Variants in GTF3C4 observed in about 807,000 individuals in gnomAD.
The protein encoded by GTF3C4 is general transcription factor IIIC subunit 4.
A neutral mutation model predicts 67.5 loss-of-function variants in GTF3C4; 28 were observed. That is an observed-to-expected ratio of 0.41 (90% CI 0.31 to 0.57). The LOEUF (loss-of-function observed/expected upper bound fraction) is 0.57, where lower values mean the gene tolerates loss of function less well. GTF3C4 is among the 20% of genes least tolerant of loss of function. GTF3C4 has a pLI of 0.21. For missense variants in GTF3C4, 831 were observed against 1,033.2 expected (o/e 0.80, Z 2.68); for synonymous variants, 409 against 393.0 (o/e 1.04, Z -0.48).
At chr9:132,686,898 C>T (rs999288649) in intron 3 of GTF3C4, among the ~76,000 whole-genome samples, 5 of 152,124 alleles carry the variant, frequency 3.3e-5, no homozygotes, top group East Asian at 1.9e-4. Context: ...AAAAACCTAA[C>T]GAATAATTCT....
At chr9:132,687,755 GTT>G (rs1300400000) in intron 4 of GTF3C4, among the ~76,000 whole-genome samples, 1 of 152,126 alleles carries the variant, frequency 6.6e-6, no homozygotes, top group Non-Finnish European at 1.5e-5. Context: ...GCCATGATGG[GTT>G]TTTTTCCTGG....
upstream of GTF3C4, chr9:132,670,342 A>G: frequency 7.0e-7 from 1 of 1,421,688 alleles, no homozygotes; most frequent in Non-Finnish European, 9.2e-7. Flanking sequence ...CAGGCTCTGG[A>G]GCTCAATCCC....
chr9:132,675,722 A>G (rs890159508), intron 1 of GTF3C4, among the ~76,000 whole-genome samples: 1 of 152,008 alleles, frequency 6.6e-6, no homozygotes, highest in Non-Finnish European at 1.5e-5. Context: ...CCATAGAACT[A>G]TTTTTCAAGG....
intron 1 of GTF3C4, among the ~76,000 whole-genome samples, chr9:132,671,969 T>C (rs1307946444): frequency 6.6e-6 from 1 of 152,142 alleles, no homozygotes; most frequent in African/African-American, 2.4e-5. Context: ...AAAATATGAG[T>C]CATTAGCTAT....
intron 1 of GTF3C4, among the ~76,000 whole-genome samples, chr9:132,672,784 A>G (rs904210383): frequency 6.6e-6 from 1 of 152,372 alleles, no homozygotes; most frequent in Non-Finnish European, 1.5e-5. Context: ...AGATAGGCCT[A>G]TCTATAAAAG....
At chr9:132,672,060 G>A (rs1483480856) in intron 1 of GTF3C4, among the ~76,000 whole-genome samples, 1 of 152,164 alleles carries the variant, frequency 6.6e-6, no homozygotes. Flanking sequence ...TAGATTGTTA[G>A]TCAGCTTGTA....
intron 2 of GTF3C4, among the ~76,000 whole-genome samples, chr9:132,681,969 A>T (rs1835952239): frequency 4.1e-5 from 2 of 49,334 alleles, no homozygotes; most frequent in South Asian, 8.5e-4. Flanking sequence ...CATAAAGTAA[A>T]AAAAAAAAAA....
At chr9:132,683,178 C>G (rs1835974668) in intron 2 of GTF3C4, among the ~76,000 whole-genome samples, 1 of 152,162 alleles carries the variant, frequency 6.6e-6, no homozygotes, top group Non-Finnish European at 1.5e-5. Flanking sequence ...TTCTTAAAGT[C>G]AAAACATTAT....
At chr9:132,681,950 C>CT (rs1471569066) in intron 2 of GTF3C4, among the ~76,000 whole-genome samples, 1 of 141,080 alleles carries the variant, frequency 7.1e-6, no homozygotes, top group Non-Finnish European at 1.5e-5. Flanking sequence ...TGGTGAGACC[C>CT]TGTCTCTACA....
chr9:132,676,322 AT>A (rs35467574), intron 1 of GTF3C4, among the ~76,000 whole-genome samples: 62,595 of 122,172 alleles, frequency 0.51, 13,873 homozygotes, highest in African/African-American at 0.64. Flanking sequence ...CATTTGGGGG[AT>A]TTTTTTTTTT....
In GTF3C4 at chr9:132,679,856, A is replaced by G; in HGVS notation, c.2184+53A>G. ...AATTGTAAAGCCTGCTTTCTTCATG[A>G]GAAAGAAATGACCTAAATTGAGTTC... On this transcript the variant is annotated intron_variant, in intron 2 of 4. Coordinates refer to ENST00000372146, the MANE Select transcript of GTF3C4 (RefSeq NM_012204.4). This position sits in a 1 kb window ranked among gnomAD's most constrained non-coding sequence, Gnocchi z 5.9. The G allele has an allele frequency of 6.7e-7, 1 of 1,481,522 alleles. No homozygotes were observed. The highest frequency in any genetic ancestry group is 9.1e-7 in the Non-Finnish European group (1 of 1,102,568). 91.8% of individuals were successfully genotyped at this position (1,481,522 alleles called of 1,614,324 possible). A position where few individuals can be genotyped will look rare whatever the true frequency, so the allele number is the denominator to read the frequency against.
intron 2 of GTF3C4, among the ~76,000 whole-genome samples, chr9:132,680,090 G>C (rs1396497413): frequency 1.3e-5 from 2 of 152,192 alleles, no homozygotes; most frequent in Admixed American, 6.5e-5. Context: ...GCATTTAGCT[G>C]AGTAGTATGT....
At chr9:132,672,539 C>T (rs1835800934) in intron 1 of GTF3C4, among the ~76,000 whole-genome samples, 1 of 152,198 alleles carries the variant, frequency 6.6e-6, no homozygotes, top group African/African-American at 2.4e-5. Flanking sequence ...CGGATCAGTA[C>T]ATGAGCTCAA....
chr9:132,679,840 G>T lies in GTF3C4; in HGVS notation c.2184+37G>T. On this transcript the variant is annotated intron_variant, in intron 2 of 4. Coordinates refer to ENST00000372146, the MANE Select transcript of GTF3C4 (RefSeq NM_012204.4). The surrounding 1 kb of genome is among the most constrained non-coding windows in gnomAD (Gnocchi z 5.9). ...TTAACAAAAACTCTGAAATTGTAAA[G>T]CCTGCTTTCTTCATGAGAAAGAAAT... 6.6e-7 allele frequency: 1 copy of T among 1,518,764 alleles called. No individual in the cohort carries two copies. Among genetic ancestry groups the T allele is most frequent in the Non-Finnish European group, 8.9e-7 (1 of 1,129,330 alleles). 94.1% of individuals were successfully genotyped at this position (1,518,764 alleles called of 1,614,324 possible). A position where few individuals can be genotyped will look rare whatever the true frequency, so the allele number is the denominator to read the frequency against.
rs764369501 is a variant in GTF3C4, at chr9:132,678,123, C to T, written c.504C>T (p.Ser168=). 6.2e-7 allele frequency: 1 copy of T among 1,614,234 alleles called. No homozygotes were observed. Among genetic ancestry groups the T allele is most frequent in the South Asian group, 1.1e-5 (1 of 91,090 alleles). Residue 168 remains serine, a synonymous_variant, in exon 2 of 5, where the codon AGC becomes AGT. Transcript: ENST00000372146. The surrounding 1 kb of genome is among the most constrained non-coding windows in gnomAD (Gnocchi z 6.5). ...CAATGAGAGGATTCAAGTACACCAG[C>T]TGGTCTCCCATGGGTTGCGATGCTA... ...LPPMRGFKYT[S]WSPMGCDANG...
chr9:132,686,477 T>G (rs932814770), intron 3 of GTF3C4, among the ~76,000 whole-genome samples: 2 of 152,136 alleles, frequency 1.3e-5, no homozygotes, highest in African/African-American at 4.8e-5. Context: ...TTGTGTTTTC[T>G]GCTCCTTAGT....
chr9:132,671,448 C>T (rs1302812758), intron 1 of GTF3C4, among the ~76,000 whole-genome samples: 2 of 152,212 alleles, frequency 1.3e-5, no homozygotes, highest in African/African-American at 2.4e-5. Context: ...CATCCATTGT[C>T]TTAATTGTTT....
At chr9:132,676,380 G>T (rs144334903) in intron 1 of GTF3C4, among the ~76,000 whole-genome samples, 1 of 148,274 alleles carries the variant, frequency 6.7e-6, no homozygotes, top group Non-Finnish European at 1.5e-5. Flanking sequence ...GTGCAGTGGC[G>T]CAATCTCGGC....
In GTF3C4 at chr9:132,678,535, A is replaced by G. The variant is rs376721373; in HGVS notation, c.916A>G (p.Ile306Val). 7.4e-6 allele frequency: 12 copies of G among 1,614,076 alleles called. No homozygotes were observed. Among genetic ancestry groups the G allele is most frequent in the Admixed American group, 3.3e-5 (2 of 60,008 alleles). Residue 306 changes from isoleucine to valine, a missense_variant, in exon 2 of 5, where the codon ATT becomes GTT. Ile to Val is a conservative substitution (Grantham distance 29, BLOSUM62 3). This residue lies in a region of GTF3C4 where 390 missense variants were observed against 540.3 expected (regional missense o/e 0.72). Transcript: ENST00000372146. This position sits in a 1 kb window ranked among gnomAD's most constrained non-coding sequence, Gnocchi z 6.5. Reference protein sequence around the residue: ...GKESISSCNTIESGITSPSVL... With the variant: ...GKESISSCNTVESGITSPSVL... ...AGAATCCATCTCTTCATGCAACACA[A>G]TTGAGTCAGGAATCACCTCTCCCAG...
Sources: gnomAD v4.1 joint callset for allele counts (sites outside exome capture counted in the v4.1 genomes callset) on GRCh38, gnomAD v4.1.1 for gene constraint, gnomAD v4.1.1 regional missense constraint, Gnocchi (gnomAD v3.1) non-coding constraint, MANE v1.5 for transcripts, NCBI Gene and HGNC (gene_info 2026-07-23, HGNC 2026-07-21) for gene names.